ELMOD1: variants seen among roughly 807,000 people sequenced by gnomAD.
ELMOD1 encodes the protein ELMO domain-containing protein 1.
In ELMOD1, 21 loss-of-function variants were observed where a neutral mutation model predicts 46.7. That is an observed-to-expected ratio of 0.45 (90% CI 0.32 to 0.65). ELMOD1 has a LOEUF of 0.65. ELMOD1 is among the 30% of genes least tolerant of loss of function. The pLI is 0.04. For synonymous variants in ELMOD1, 122 were observed against 138.2 expected (o/e 0.88, Z 0.82); for missense variants, 348 against 407.8 (o/e 0.85, Z 1.26).
At chr11:107,618,604 A>T (rs1261437290) in intron 2 of ELMOD1, among the ~76,000 whole-genome samples, 1 of 152,154 alleles carries the variant, frequency 6.6e-6, no homozygotes, top group Non-Finnish European at 1.5e-5. Flanking sequence ...TTTAATTTAG[A>T]TTTTGGTTGG....
intron 6 of ELMOD1, chr11:107,643,502 C>T (rs1480414597): frequency 2.7e-6 from 1 of 367,136 alleles, no homozygotes; most frequent in African/African-American, 2.1e-5. Flanking sequence ...GACACAGCAC[C>T]ATCAAGTCTG....
intron 5 of ELMOD1, among the ~76,000 whole-genome samples, chr11:107,635,392 GT>G (rs1356724892): frequency 6.6e-6 from 1 of 152,114 alleles, no homozygotes; most frequent in Non-Finnish European, 1.5e-5. Context: ...TTATTTTTAA[GT>G]CATACCATTG....
chr11:107,661,200 G>A (rs474480), intron 11 of ELMOD1, among the ~76,000 whole-genome samples: 36,598 of 151,998 alleles, frequency 0.24, 8,879 homozygotes, highest in African/African-American at 0.62. Context: ...GCGTCAGATT[G>A]TGAGCCAGCC....
rs974174312 is a variant in ELMOD1, at chr11:107,650,753, G to C, written c.624-132G>C. On this transcript the variant is annotated intron_variant, in intron 8 of 11. Transcript: ENST00000265840. Reference sequence around the variant, plus strand: ...GAACAGAAGGAAGAATGGAAGTTAAGAAGTCAGGGACCAAGTGAGAACATC... The same window carrying C: ...GAACAGAAGGAAGAATGGAAGTTAACAAGTCAGGGACCAAGTGAGAACATC... 12 of 658,108 alleles carry C rather than the reference G, an allele frequency of 1.8e-5. No homozygotes were observed. In the African/African-American group the frequency reaches 1.9e-4, roughly 11 times the overall value. 40.8% of individuals were successfully genotyped at this position (658,108 alleles called of 1,614,324 possible). A position where few individuals can be genotyped will look rare whatever the true frequency, so the allele number is the denominator to read the frequency against.
intron 6 of ELMOD1, among the ~76,000 whole-genome samples, chr11:107,642,453 C>T (rs963316745): frequency 3.3e-5 from 5 of 152,018 alleles, no homozygotes; most frequent in Admixed American, 6.6e-5. Context: ...ACTGCAACCT[C>T]CACCTCCCAG....
intron 5 of ELMOD1, among the ~76,000 whole-genome samples, chr11:107,634,394 A>G (rs556599108): frequency 1.3e-5 from 2 of 152,314 alleles, no homozygotes; most frequent in East Asian, 3.9e-4. Flanking sequence ...CTTTTAGGGT[A>G]CTGTTATTCA....
chr11:107,595,791 A>T (rs1007244406), intron 1 of ELMOD1, among the ~76,000 whole-genome samples: 2 of 152,184 alleles, frequency 1.3e-5, no homozygotes, highest in African/African-American at 4.8e-5. Flanking sequence ...AAATTAAAAA[A>T]ATAATATTGT....
chr11:107,644,908 G>GTTTTTTT (rs35769494), intron 6 of ELMOD1, among the ~76,000 whole-genome samples: 10 of 127,044 alleles, frequency 7.9e-5, no homozygotes, highest in South Asian at 4.6e-4. Context: ...TTCCTAAAGG[G>GTTTTTTT]TTTTTGTTTT....
At chr11:107,654,962 G>A (rs1256780394) in intron 10 of ELMOD1, among the ~76,000 whole-genome samples, 3 of 151,952 alleles carry the variant, frequency 2.0e-5, no homozygotes, top group Non-Finnish European at 4.4e-5. Context: ...CTCAGGTTCC[G>A]TTAATTTTTG....
intron 2 of ELMOD1, among the ~76,000 whole-genome samples, chr11:107,621,039 A>G (rs575776): frequency 3.4e-4 from 52 of 152,360 alleles, no homozygotes; most frequent in African/African-American, 1.2e-3. Flanking sequence ...GATGTGTATA[A>G]CAGAGAAGTC....
intron 1 of ELMOD1, among the ~76,000 whole-genome samples, chr11:107,596,046 T>C (rs947644250): frequency 6.6e-6 from 1 of 152,104 alleles, no homozygotes; most frequent in Non-Finnish European, 1.5e-5. Context: ...ATCAGTCTCA[T>C]GCAAGGCAAT....
intron 1 of ELMOD1, chr11:107,591,629 C>A: frequency 2.8e-6 from 1 of 359,134 alleles, no homozygotes; most frequent in Non-Finnish European, 5.8e-6. Context: ...CCCTTCTATC[C>A]TGTCCTCCCA....
chr11:107,641,562 A>G (rs929474252), intron 6 of ELMOD1, among the ~76,000 whole-genome samples: 1 of 152,182 alleles, frequency 6.6e-6, no homozygotes, highest in African/African-American at 2.4e-5. Context: ...TAGTTGGAGA[A>G]GAGAGTTAAG....
chr11:107,609,773 C>T (rs1430794128), intron 1 of ELMOD1, among the ~76,000 whole-genome samples: 2 of 152,228 alleles, frequency 1.3e-5, no homozygotes, highest in African/African-American at 2.4e-5. Context: ...TCTCTAGGGG[C>T]GTTTGATATG....
chr11:107,657,913 T>C (rs1049549321), intron 11 of ELMOD1, among the ~76,000 whole-genome samples: 3 of 152,206 alleles, frequency 2.0e-5, no homozygotes, highest in Non-Finnish European at 2.9e-5. Flanking sequence ...AATATTACCA[T>C]GTTTGAACAC....
chr11:107,600,659 A>G (rs1865581934), intron 1 of ELMOD1: 1 of 152,948 alleles, frequency 6.5e-6, no homozygotes, highest in African/African-American at 2.4e-5. Context: ...TAATGAGCAT[A>G]CATCACGTTG....
At chr11:107,640,726 C>G (rs1565384019) in intron 6 of ELMOD1, among the ~76,000 whole-genome samples, 1 of 151,932 alleles carries the variant, frequency 6.6e-6, no homozygotes, top group Non-Finnish European at 1.5e-5. Flanking sequence ...ATTTTTTGAC[C>G]CTGAGTGCCC....
At chr11:107,662,783 G>A (rs190650747) in intron 11 of ELMOD1, among the ~76,000 whole-genome samples, 3 of 152,104 alleles carry the variant, frequency 2.0e-5, no homozygotes, top group Non-Finnish European at 4.4e-5. Flanking sequence ...AAATGAGCCA[G>A]GCATGGTGGC....
intron 1 of ELMOD1, among the ~76,000 whole-genome samples, chr11:107,602,183 G>A (rs188861101): frequency 1.3e-3 from 204 of 152,294 alleles, no homozygotes; most frequent in East Asian, 5.8e-4. Flanking sequence ...TTTTGCTTCT[G>A]TGTTCCTGTT....
Sources: allele counts gnomAD v4.1 joint callset (sites outside exome capture counted in the v4.1 genomes callset), GRCh38; gene constraint gnomAD v4.1.1; transcripts MANE v1.5; gene names NCBI Gene and HGNC (gene_info 2026-07-23, HGNC 2026-07-21).